TUBA4B: variants seen among roughly 807,000 people sequenced by gnomAD.
TUBA4B encodes the protein tubulin-like protein alpha-4B.
Under a neutral mutation model 18.4 loss-of-function variants are expected in TUBA4B, and 13 were observed. That is an observed-to-expected ratio of 0.71 (90% confidence interval 0.46 to 1.12). TUBA4B has a LOEUF of 1.12. Among genes scored for constraint, TUBA4B ranks in the 50% most tolerant of loss-of-function variants. The pLI, the probability that TUBA4B is intolerant of heterozygous loss-of-function variation, is 0.00. For missense variants in TUBA4B, 244 were observed against 250.0 expected, an observed-to-expected ratio of 0.98 and a Z score of 0.16; for synonymous variants, 101 against 99.1, an observed-to-expected ratio of 1.02 and a Z score of -0.11.
At chr2:219,265,469 T>C (rs896696559) in intron 1 of TUBA4B, among the ~76,000 whole-genome samples, 23 of 152,078 alleles carry the variant, frequency 1.5e-4, no homozygotes, top group African/African-American at 5.3e-4. Flanking sequence ...AAACCGTGTC[T>C]CTACTAAAAA....
intron 1 of TUBA4B, among the ~76,000 whole-genome samples, chr2:219,257,334 C>T (rs1474439370): frequency 1.4e-5 from 2 of 144,436 alleles, no homozygotes; most frequent in African/African-American, 2.6e-5. Flanking sequence ...AGCCACTGCG[C>T]CCAGCCTTTT....
Position 219,271,648 on chromosome 2 carries a change from T to G in TUBA4B, c.675T>G (p.Cys225Trp), listed in dbSNP as rs76436848. The G allele has an allele frequency of 1.2e-6, 2 of 1,613,834 alleles. No individual in the cohort carries two copies. Among genetic ancestry groups the G allele is most frequent in the African/African-American group, 2.7e-5 (2 of 74,900 alleles). ...SLQKRYTTSS[C>W]WWQRLPMPAL... The stretch of plus-strand genomic sequence containing the variant: ...AGAAAAGGTATACCACGAGCAGCTG[T>G]TGGTGGCAGAGATTACCAATGCCTG... The change falls in exon 4 of 4, where the codon TGT becomes TGG. Residue 225 changes from cysteine (C) to tryptophan (W), a missense_variant. Coordinates refer to ENST00000490341, the MANE Select transcript of TUBA4B (RefSeq NM_001355221.1).
chr2:219,263,608 G>A (rs1272276748), intron 1 of TUBA4B, among the ~76,000 whole-genome samples: 2 of 152,234 alleles, frequency 1.3e-5, no homozygotes, highest in African/African-American at 2.4e-5. Flanking sequence ...TTTGAGCCCA[G>A]TGGGCCCTCT....
At chr2:219,257,910 A>G (rs113587609) in intron 1 of TUBA4B, among the ~76,000 whole-genome samples, 1 of 151,276 alleles carries the variant, frequency 6.6e-6, no homozygotes, top group African/African-American at 2.4e-5. Context: ...GCTCCTAGCC[A>G]TAAGCTCTTC....
intron 1 of TUBA4B, chr2:219,254,082 G>C (rs565908522): frequency 6.5e-5 from 29 of 444,916 alleles, no homozygotes; most frequent in African/African-American, 4.7e-4. Flanking sequence ...CAAGCTGCGC[G>C]GGGGTCCCTC....
intron 1 of TUBA4B, among the ~76,000 whole-genome samples, chr2:219,261,953 C>G (rs1407199455): frequency 1.3e-5 from 2 of 152,188 alleles, no homozygotes; most frequent in East Asian, 3.8e-4. Flanking sequence ...ATTATTCTGT[C>G]TGTCTGGAGA....
intron 1 of TUBA4B, among the ~76,000 whole-genome samples, chr2:219,258,055 C>T (rs1318012628): frequency 7.4e-6 from 1 of 135,996 alleles, no homozygotes; most frequent in Non-Finnish European, 1.5e-5. Context: ...AGTGTGATCT[C>T]AGCTCACAGT....
intron 1 of TUBA4B, among the ~76,000 whole-genome samples, chr2:219,255,936 A>G (rs1285877238): frequency 6.6e-6 from 1 of 152,224 alleles, no homozygotes; most frequent in African/African-American, 2.4e-5. Context: ...TAGACTTGCC[A>G]TCTGATTGGG....
intron 1 of TUBA4B, among the ~76,000 whole-genome samples, chr2:219,259,335 A>G (rs949117663): frequency 1.3e-4 from 19 of 150,014 alleles, no homozygotes; most frequent in Non-Finnish European, 3.0e-5. Context: ...AAAAAAAAAA[A>G]AAAAAGAAAT....
In TUBA4B at chr2:219,266,565, T is replaced by G. The variant is rs958314833; in HGVS notation, c.57T>G (p.His19Gln). ...QDPSQPLSRQ[H>Q]GTYRQIFHPE... is the part of the protein sequence containing the mutation. ...CCAGCCAGCCCCTGTCCAGGCAGCA[T>G]GGTGAGTAGAAGGGGCCTTGGGGGG... The change falls in exon 2 of 4, where the codon CAT becomes CAG. Residue 19 changes from histidine to glutamine, a missense_variant and splice_region_variant. Coordinates refer to ENST00000490341, the MANE Select transcript of TUBA4B (RefSeq NM_001355221.1). 7.1e-6 allele frequency: 5 copies of G among 702,776 alleles called. No individual in the cohort carries two copies. The African/African-American group carries it at 8.7e-5, about 12-fold the overall frequency. 43.5% of individuals were successfully genotyped at this position (702,776 alleles called of 1,614,324 possible).
At chr2:219,264,832 T>A (rs1180637784) in intron 1 of TUBA4B, among the ~76,000 whole-genome samples, 1 of 152,206 alleles carries the variant, frequency 6.6e-6, no homozygotes, top group Non-Finnish European at 1.5e-5. Flanking sequence ...AGAAAGTGGC[T>A]AATGGGGGGC....
chr2:219,271,486 C>A lies in TUBA4B; in HGVS notation c.513C>A (p.Ser171Arg). 2.5e-6 allele frequency: 4 copies of A among 1,614,196 alleles called. No homozygotes were observed. Among genetic ancestry groups the A allele is most frequent in the Non-Finnish European group, 3.4e-6 (4 of 1,180,028 alleles). The change falls in exon 4 of 4, where the codon AGC (serine) becomes AGA (arginine). Residue 171 changes from serine (S) to arginine (R), a missense_variant. By Grantham distance (110) the Ser-to-Arg change is moderately radical. Transcript: ENST00000490341. ...ACACCAACCTCAATCGCCTCATTAGCCAAATTGTCTCCTCCATCACAGCTT... is the reference window on the plus strand; with the variant it reads ...ACACCAACCTCAATCGCCTCATTAGACAAATTGTCTCCTCCATCACAGCTT... ...PTYTNLNRLI[S>R]QIVSSITASL...
intron 1 of TUBA4B, chr2:219,253,883 C>A: frequency 7.0e-7 from 1 of 1,437,704 alleles, no homozygotes; most frequent in Non-Finnish European, 9.1e-7. Context: ...GTGCGTCTCA[C>A]GTTGAGTCGG....
Position 219,272,012 on chromosome 2 carries a change from T to G in TUBA4B, c.*313T>G. ...CCAAGAGGGCGTTTGGGCACTGATA[T>G]GTGGGTGAGGGCATGGAGGAGGGTG... On this transcript the variant is annotated 3_prime_UTR_variant, in exon 4 of 4. Coordinates refer to ENST00000490341, the MANE Select transcript of TUBA4B (RefSeq NM_001355221.1). 6.6e-7 allele frequency: 1 copy of G among 1,509,740 alleles called. No homozygotes were observed. The highest frequency in any genetic ancestry group is 1.1e-5 in the South Asian group (1 of 88,888). 93.5% of individuals were successfully genotyped at this position (1,509,740 alleles called of 1,614,324 possible).
chr2:219,271,387 C>G lies in TUBA4B; in HGVS notation c.414C>G (p.Asp138Glu). Residue 138 changes from aspartate to glutamate, a missense_variant, in exon 4 of 4, where the codon GAC (aspartate) becomes GAG (glutamate). By Grantham distance (45) the Asp-to-Glu change is conservative. Transcript: ENST00000490341. ...CCCACACCACCCTGGAGCACTCAGA[C>G]TGTGCCTTCATGGTGGACAACAAAG... ...LTTHTTLEHSDCAFMVDNKAI... is the reference protein window; with the variant it reads ...LTTHTTLEHSECAFMVDNKAI... The G allele has an allele frequency of 6.2e-7, 1 of 1,614,236 alleles. No homozygotes were observed. The highest frequency in any genetic ancestry group is 1.1e-5 in the South Asian group (1 of 91,086).
chr2:219,271,217 C>A lies in TUBA4B; in HGVS notation c.244C>A (p.Arg82=). Residue 82 remains arginine (R), a synonymous_variant, in exon 4 of 4, where the codon CGG becomes AGG. Transcript: ENST00000490341. The part of the protein sequence containing the change: ...QGFLVFHSLG[R]GTGSDVTSFL... ...CTTCCTGGTGTTCCACAGCCTTGGT[C>A]GGGGCACTGGCTCTGACGTCACCTC... is the stretch of plus-strand genomic sequence containing the variant. 2 of 1,159,738 alleles carry A rather than the reference C, an allele frequency of 1.7e-6. No individual in the cohort carries two copies. The highest frequency in any genetic ancestry group is 1.3e-6 in the Non-Finnish European group (1 of 765,980). 71.8% of individuals were successfully genotyped at this position (1,159,738 alleles called of 1,614,324 possible). A position where few individuals can be genotyped will look rare whatever the true frequency, so the allele number is the denominator to read the frequency against.
At chr2:219,255,046 T>TTCTCTC (rs369713142) in intron 1 of TUBA4B, among the ~76,000 whole-genome samples, 1 of 149,846 alleles carries the variant, frequency 6.7e-6, no homozygotes, top group Non-Finnish European at 1.5e-5. Context: ...TGCTTTCTCT[T>TTCTCTC]TCTCTCTCTC....
chr2:219,270,364 G>T, intron 3 of TUBA4B, 29 bp downstream of exon 3: 1 of 709,492 alleles, frequency 1.4e-6, no homozygotes, highest in Non-Finnish European at 2.6e-6. Flanking sequence ...GCTGGGGCAG[G>T]GGGAATGAAT....
chr2:219,264,177 A>G (rs1951775593), intron 1 of TUBA4B, among the ~76,000 whole-genome samples: 1 of 152,212 alleles, frequency 6.6e-6, no homozygotes, highest in African/African-American at 2.4e-5. Context: ...GAACAACAAT[A>G]GGCCAGGTGC....
Sources: gnomAD v4.1 joint callset for allele counts (sites outside exome capture counted in the v4.1 genomes callset) on GRCh38, gnomAD v4.1.1 for gene constraint, MANE v1.5 for transcripts, NCBI Gene and HGNC (gene_info 2026-07-23, HGNC 2026-07-21) for gene names.